The following PIKFYVE variants were observed in gnomAD, a reference collection of about 807,000 sequenced individuals.
PIKFYVE encodes the protein 1-phosphatidylinositol 3-phosphate 5-kinase.
A neutral mutation model predicts 257.9 loss-of-function variants in PIKFYVE; 122 were observed. The ratio of observed to expected loss-of-function variants is 0.47; its 90% CI spans 0.41 to 0.55. The LOEUF (loss-of-function observed/expected upper bound fraction) is 0.55, where lower values mean the gene tolerates loss of function less well. PIKFYVE is among the 20% of genes least tolerant of loss of function. The probability of loss-of-function intolerance (pLI) is 0.00; values close to 1 mark genes in which losing one functional copy is unlikely to be tolerated. For missense variants in PIKFYVE, 2,160 were observed against 2,536.6 expected, an observed-to-expected ratio of 0.85 and a Z score of 3.19; for synonymous variants, 892 against 868.9, an observed-to-expected ratio of 1.03 and a Z score of -0.47.
At position 208,324,889 on chromosome 2, in the gene PIKFYVE, A is replaced by G. The variant is rs765699150; in HGVS notation, c.2332-22A>G. ...TTTTATTCTTCTCTAGTTTTGTAAT[A>G]CAATGTTTTTCTGTTTTGTAGCAAG... On this transcript the variant is annotated intron_variant, in intron 18 of 41. Transcript: ENST00000264380. 12 of 1,611,588 alleles carry G rather than the reference A, an allele frequency of 7.4e-6. No individual in the cohort carries two copies. The South Asian group carries it at 1.2e-4, about 16-fold the overall frequency.
At chr2:208,343,047 G>A (rs933496201) in intron 32 of PIKFYVE, among the ~76,000 whole-genome samples, 4 of 151,984 alleles carry the variant, frequency 2.6e-5, no homozygotes, top group Non-Finnish European at 4.4e-5. Context: ...CACCCACCTC[G>A]GCCTCCCAAA....
At chr2:208,305,075 A>G (rs767043692) in intron 12 of PIKFYVE, 62 bp downstream of exon 12, 1 of 1,593,556 alleles carries the variant, frequency 6.3e-7, no homozygotes, top group Non-Finnish European at 8.6e-7. Context: ...ATAGGATCTC[A>G]TGCCAGCCTG....
intron 1 of PIKFYVE, among the ~76,000 whole-genome samples, chr2:208,270,606 T>C (rs893270943): frequency 1.3e-5 from 2 of 152,154 alleles, no homozygotes; most frequent in Admixed American, 6.5e-5. Flanking sequence ...GAACAACTTG[T>C]TGATTTGAGT....
At chr2:208,307,386 T>C (rs538605196) in intron 12 of PIKFYVE, among the ~76,000 whole-genome samples, 53 of 152,270 alleles carry the variant, frequency 3.5e-4, no homozygotes, top group Non-Finnish European at 6.2e-4. Flanking sequence ...AAGAGGAAAG[T>C]GAAGTTCAGG....
chr2:208,318,264 G>A (rs1695789593), intron 16 of PIKFYVE, among the ~76,000 whole-genome samples: 1 of 152,168 alleles, frequency 6.6e-6, no homozygotes, highest in African/African-American at 2.4e-5. Context: ...TTCTCTAGTA[G>A]GCTGGAGTCC....
At chr2:208,319,265 G>A (rs1180146194) in intron 16 of PIKFYVE, among the ~76,000 whole-genome samples, 2 of 152,154 alleles carry the variant, frequency 1.3e-5, no homozygotes, top group Non-Finnish European at 2.9e-5. Flanking sequence ...AAAATTATTA[G>A]TGACCATAGA....
At chr2:208,300,902 T>C in intron 8 of PIKFYVE, 35 bp from the exon 9 acceptor site, 1 of 1,613,212 alleles carries the variant, frequency 6.2e-7, no homozygotes, top group Non-Finnish European at 8.5e-7. Flanking sequence ...AGCATTTTTC[T>C]CAAGGGTAAC....
chr2:208,326,100 G>T lies in PIKFYVE; in HGVS notation c.3289G>T (p.Glu1097Ter). 6.2e-7 allele frequency: 1 copy of T among 1,614,120 alleles called. No homozygotes were observed. The highest frequency in any genetic ancestry group is 8.5e-7 in the Non-Finnish European group (1 of 1,180,026). Residue 1097 changes from glutamate (E) to a stop codon, truncating the protein, a stop_gained, in exon 20 of 42, where the codon GAA becomes TAA. Transcript: ENST00000264380. LOFTEE classifies it high-confidence loss of function. ...TCCTCTCCTCAATAAAGAATTCAAA[G>T]AAATGGAGAACAGGAGGAAGAAACA... ...WSPLLNKEFK[E>*]MENRRKKQLL...
chr2:208,295,278 T>C (rs1413466866), intron 7 of PIKFYVE, among the ~76,000 whole-genome samples: 1 of 152,230 alleles, frequency 6.6e-6, no homozygotes, highest in Non-Finnish European at 1.5e-5. Flanking sequence ...GTTCTATTTT[T>C]TACTTTTGAA....
Position 208,304,849 on chromosome 2 carries a change from C to T in PIKFYVE, c.1472C>T (p.Ser491Phe). The part of the protein sequence containing the change: ...AEEGDDNLAN[S>F]ASPSKRTSVS... Reference sequence around the variant, plus strand: ...TTCCCCTTCCCAACACTAAAAGATTCTGCCAGTCCTAGCAAGCGCACATCA... The same window carrying T: ...TTCCCCTTCCCAACACTAAAAGATTTTGCCAGTCCTAGCAAGCGCACATCA... The change falls in exon 12 of 42, where the codon TCT becomes TTT. Residue 491 changes from serine (S) to phenylalanine (F), a missense_variant. Ser to Phe is a radical substitution (Grantham distance 155). Around this residue, in one of 12 missense-constraint regions of PIKFYVE, gnomAD observed 346 missense variants for 365.6 expected, o/e 0.95. Coordinates refer to ENST00000264380, the MANE Select transcript of PIKFYVE (RefSeq NM_015040.4). 1 of 1,614,000 alleles carries T rather than the reference C, an allele frequency of 6.2e-7. No homozygotes were observed. The highest frequency in any genetic ancestry group is 8.5e-7 in the Non-Finnish European group (1 of 1,179,868).
At chr2:208,271,061 T>C (rs1050281079) in intron 1 of PIKFYVE, among the ~76,000 whole-genome samples, 1 of 147,902 alleles carries the variant, frequency 6.8e-6, no homozygotes, top group South Asian at 2.1e-4. Context: ...AAAGTTGAAA[T>C]AAGGAAAATA....
At chr2:208,337,186 A>G (rs1453290973) in intron 28 of PIKFYVE, among the ~76,000 whole-genome samples, 4 of 152,162 alleles carry the variant, frequency 2.6e-5, no homozygotes, top group Non-Finnish European at 4.4e-5. Flanking sequence ...TGAGGGTAGC[A>G]TCATGGTGAC....
intron 38 of PIKFYVE, 48 bp from the exon 39 acceptor site, chr2:208,352,606 T>A: frequency 6.3e-7 from 1 of 1,598,058 alleles, no homozygotes; most frequent in Non-Finnish European, 8.6e-7. Context: ...TATTAAATTA[T>A]AAATAACCCT....
intron 5 of PIKFYVE, among the ~76,000 whole-genome samples, chr2:208,282,895 T>G (rs1447535397): frequency 6.6e-6 from 1 of 152,124 alleles, no homozygotes; most frequent in Non-Finnish European, 1.5e-5. Flanking sequence ...CATTAGATTC[T>G]CGTAAGGAAC....
intron 7 of PIKFYVE, among the ~76,000 whole-genome samples, chr2:208,290,389 G>A (rs190238302): frequency 2.8e-4 from 43 of 152,172 alleles, no homozygotes; most frequent in Non-Finnish European, 4.6e-4. Flanking sequence ...TAGACTTTTC[G>A]GATAGGCTTC....
rs973795175 is a variant in PIKFYVE at position 208,338,048 on chromosome 2, A to G, written c.4612-460A>G. Among the ~76,000 whole-genome samples, 10 of 151,988 alleles carry G rather than the reference A, an allele frequency of 6.6e-5. No individual in the cohort carries two copies. The East Asian group carries it at 1.5e-3, about 24-fold the overall frequency. Reference sequence around the variant, plus strand: ...CATTTTTATTTTTTTTTTCGATTGCATATCTGTATGAAGCTAGATTTTCTT... The same window carrying G: ...CATTTTTATTTTTTTTTTCGATTGCGTATCTGTATGAAGCTAGATTTTCTT... On this transcript the variant is annotated intron_variant, in intron 28 of 41. Transcript: ENST00000264380.
intron 16 of PIKFYVE, among the ~76,000 whole-genome samples, chr2:208,319,090 A>C (rs1247497313): frequency 1.3e-5 from 2 of 152,216 alleles, no homozygotes; most frequent in Non-Finnish European, 2.9e-5. Flanking sequence ...GAAACATTCA[A>C]AACAGAGATA....
At position 208,325,363 on chromosome 2, in the gene PIKFYVE, G is replaced by A. The variant is rs776830628; in HGVS notation, c.2552G>A (p.Arg851Gln). 5 of 1,613,936 alleles carry A rather than the reference G, an allele frequency of 3.1e-6. No individual in the cohort carries two copies. Among genetic ancestry groups the A allele is most frequent in the African/African-American group, 1.3e-5 (1 of 74,918 alleles). ...GGAGGCTCTGATTATGAGCTGGCTCGAGTTAAGGAGATCCTAATATTTATG... is the reference window on the plus strand; with the variant it reads ...GGAGGCTCTGATTATGAGCTGGCTCAAGTTAAGGAGATCCTAATATTTATG... ...LRGGSDYELARVKEILIFMIC... is the reference protein window; with the variant it reads ...LRGGSDYELAQVKEILIFMIC... The change falls in exon 20 of 42, where the codon CGA becomes CAA. Residue 851 changes from arginine (R) to glutamine (Q), a missense_variant. Around this residue, in one of 12 missense-constraint regions of PIKFYVE, gnomAD observed 522 missense variants for 514.6 expected, o/e 1.01. Transcript: ENST00000264380.
intron 12 of PIKFYVE, among the ~76,000 whole-genome samples, chr2:208,311,662 T>C (rs758703844): frequency 1.3e-5 from 2 of 152,330 alleles, no homozygotes; most frequent in Middle Eastern, 3.4e-3. Context: ...CAGTGTTTGA[T>C]ATAATTTTTG....
Sources: allele counts gnomAD v4.1 joint callset (sites outside exome capture counted in the v4.1 genomes callset), GRCh38; gene constraint gnomAD v4.1.1; regional missense constraint gnomAD v4.1.1; transcripts MANE v1.5; gene names NCBI Gene and HGNC (gene_info 2026-07-23, HGNC 2026-07-21).